CMSS1: variants seen among roughly 807,000 people sequenced by gnomAD.
CMSS1 encodes protein CMSS1.
CMSS1 carries 33 observed loss-of-function variants against 43.5 expected under a neutral mutation model. The observed-to-expected ratio is 0.76, with a 90% CI of 0.57 to 1.01. The LOEUF is 1.01. CMSS1 is among the 50% of genes least tolerant of loss of function. CMSS1 has a pLI of 0.00. For synonymous variants in CMSS1, 115 were observed against 117.2 expected, an observed-to-expected ratio of 0.98 and a Z score of 0.12; for missense variants, 313 against 326.4, an observed-to-expected ratio of 0.96 and a Z score of 0.32.
rs570937503 is a variant in CMSS1, at chr3:100,082,626, G to C, written c.65-64347G>C. On this transcript the variant is annotated intron_variant, in intron 1 of 9. Transcript: ENST00000421999. ...AGAAGAATGCAGCTCTGGGAAACAG[G>C]GTCCCACAGGGTAACTATTTTTTGG... Among the ~76,000 whole-genome samples, 6 of 152,148 alleles carry C rather than the reference G, an allele frequency of 3.9e-5. No homozygotes were observed. In the South Asian group the frequency reaches 8.3e-4, roughly 21 times the overall value.
intron 1 of CMSS1, among the ~76,000 whole-genome samples, chr3:99,895,245 C>G (rs1329545033): frequency 1.3e-5 from 2 of 152,104 alleles, no homozygotes; most frequent in African/African-American, 2.4e-5. Context: ...ATAGCATGTT[C>G]TTTTAGGCAA....
intron 1 of CMSS1, among the ~76,000 whole-genome samples, chr3:100,144,264 G>A (rs2066829194): frequency 6.6e-6 from 1 of 152,110 alleles, no homozygotes; most frequent in African/African-American, 2.4e-5. Flanking sequence ...CTTTTTAATG[G>A]TTGCTGAAAC....
At chr3:99,876,318 G>T in intron 1 of CMSS1, 1 of 538,870 alleles carries the variant, frequency 1.9e-6, no homozygotes, top group Non-Finnish European at 2.4e-6. Context: ...ACACACCCCA[G>T]CTCCCGCGGA....
intron 1 of CMSS1, among the ~76,000 whole-genome samples, chr3:99,907,951 T>G (rs764520744): frequency 6.6e-6 from 1 of 152,204 alleles, no homozygotes; most frequent in Non-Finnish European, 1.5e-5. Flanking sequence ...CATTTTGAAA[T>G]GAATGAATAA....
intron 1 of CMSS1, among the ~76,000 whole-genome samples, chr3:99,899,886 A>G (rs1706380460): frequency 6.6e-6 from 1 of 152,172 alleles, no homozygotes; most frequent in African/African-American, 2.4e-5. Context: ...AATGAGTTAC[A>G]AACTTTAAGT....
At chr3:100,076,283 C>G (rs1299281433) in intron 1 of CMSS1, among the ~76,000 whole-genome samples, 4 of 152,114 alleles carry the variant, frequency 2.6e-5, no homozygotes, top group Non-Finnish European at 5.9e-5. Flanking sequence ...ATATATTTTT[C>G]CCTCTCTAAA....
chr3:99,896,753 A>G (rs879674059), intron 1 of CMSS1, among the ~76,000 whole-genome samples: 5 of 152,200 alleles, frequency 3.3e-5, no homozygotes, highest in African/African-American at 1.2e-4. Context: ...TTGAGATTCT[A>G]TAAGGTTCCA....
chr3:100,087,421 T>C (rs2066029034), intron 1 of CMSS1, among the ~76,000 whole-genome samples: 1 of 152,304 alleles, frequency 6.6e-6, no homozygotes, highest in African/African-American at 2.4e-5. Flanking sequence ...TTTTCTTTTG[T>C]TTTTCTGGTC....
chr3:99,983,298 C>A (rs1044099364), intron 1 of CMSS1, among the ~76,000 whole-genome samples: 1 of 149,476 alleles, frequency 6.7e-6, no homozygotes, highest in East Asian at 1.9e-4. Flanking sequence ...CTTTGGGAGG[C>A]CAAGGCAGGC....
At chr3:100,123,726 G>A (rs1280847168) in intron 1 of CMSS1, among the ~76,000 whole-genome samples, 1 of 152,132 alleles carries the variant, frequency 6.6e-6, no homozygotes, top group Non-Finnish European at 1.5e-5. Flanking sequence ...CTCTCTGCCT[G>A]ATGATTAACA....
At chr3:99,876,421 C>A (rs1705528261) in intron 1 of CMSS1, among the ~76,000 whole-genome samples, 1 of 152,220 alleles carries the variant, frequency 6.6e-6, no homozygotes, top group African/African-American at 2.4e-5. Flanking sequence ...GCCCTCCTGT[C>A]GGGCTAACAA....
intron 8 of CMSS1, among the ~76,000 whole-genome samples, chr3:100,173,116 G>A (rs2067123706): frequency 2.0e-5 from 3 of 152,064 alleles, no homozygotes; most frequent in Admixed American, 1.3e-4. Context: ...GTTCATCAGT[G>A]TAGTAACTCA....
intron 8 of CMSS1, 176 bp from the exon 9 acceptor site, chr3:100,176,151 T>A: frequency 1.9e-6 from 1 of 536,766 alleles, no homozygotes; most frequent in African/African-American, 1.9e-5. Context: ...AGAGCAAGTC[T>A]CAGAGTGCTG....
At chr3:99,957,244 TA>T (rs1284339950) in intron 1 of CMSS1, among the ~76,000 whole-genome samples, 36 of 152,226 alleles carry the variant, frequency 2.4e-4, no homozygotes, top group African/African-American at 8.7e-4. Flanking sequence ...TGGAAAGTAG[TA>T]ACAGCAGCGA....
chr3:99,932,624 T>A (rs1707519643), intron 1 of CMSS1, among the ~76,000 whole-genome samples: 1 of 152,210 alleles, frequency 6.6e-6, no homozygotes, highest in Non-Finnish European at 1.5e-5. Flanking sequence ...GCACAATGGC[T>A]CACACCTGTA....
At chr3:100,071,492 A>G (rs1307905468) in intron 1 of CMSS1, among the ~76,000 whole-genome samples, 1 of 152,150 alleles carries the variant, frequency 6.6e-6, no homozygotes, top group East Asian at 1.9e-4. Flanking sequence ...ATTTCAAAGC[A>G]TTCACTAAAA....
At chr3:100,119,435 C>A (rs2066601901) in intron 1 of CMSS1, among the ~76,000 whole-genome samples, 1 of 152,208 alleles carries the variant, frequency 6.6e-6, no homozygotes, top group South Asian at 2.1e-4. Flanking sequence ...CAGAGTTTAA[C>A]CATACTTTAC....
At chr3:100,095,638 A>C (rs1248193218) in intron 1 of CMSS1, among the ~76,000 whole-genome samples, 1 of 152,172 alleles carries the variant, frequency 6.6e-6, no homozygotes, top group Non-Finnish European at 1.5e-5. Context: ...TTAAAGACTT[A>C]AATATATAAG....
At chr3:99,941,782 GA>G (rs1707856740) in intron 1 of CMSS1, among the ~76,000 whole-genome samples, 1 of 152,088 alleles carries the variant, frequency 6.6e-6, no homozygotes, top group African/African-American at 2.4e-5. Context: ...AAAAAATTTG[GA>G]AAAAATATAT....
Sources: allele counts gnomAD v4.1 joint callset (sites outside exome capture counted in the v4.1 genomes callset), GRCh38; gene constraint gnomAD v4.1.1; transcripts MANE v1.5; gene names NCBI Gene and HGNC (gene_info 2026-07-23, HGNC 2026-07-21).